Variants in SLC6A12 observed in about 807,000 individuals in gnomAD.
SLC6A12 encodes the protein solute carrier family 6 member 12.
A neutral mutation model predicts 73.3 loss-of-function variants in SLC6A12; 50 were observed. The ratio of observed to expected loss-of-function variants is 0.68; its 90% CI spans 0.54 to 0.86. The LOEUF is 0.86. SLC6A12 is among the 40% of genes least tolerant of loss of function. The pLI, the probability that SLC6A12 is intolerant of heterozygous loss-of-function variation, is 0.00. For missense variants in SLC6A12, 648 were observed against 772.8 expected (o/e 0.84, Z 1.92); for synonymous variants, 304 against 309.2 (o/e 0.98, Z 0.18).
At chr12:206,204 G>A (rs1018967692) in intron 3 of SLC6A12, among the ~76,000 whole-genome samples, 7 of 152,112 alleles carry the variant, frequency 4.6e-5, no homozygotes, top group East Asian at 3.8e-4. Flanking sequence ...ATCCCAGACC[G>A]AAACTCTGTA....
chr12:185,221 T>C (rs1939410322), downstream of SLC6A12, among the ~76,000 whole-genome samples: 1 of 152,196 alleles, frequency 6.6e-6, no homozygotes, highest in Non-Finnish European at 1.5e-5. Flanking sequence ...GCTGGCCGGG[T>C]AAGGCCGCTC....
Position 198,587 on chromosome 12 carries a change from T to A in SLC6A12, c.846+210A>T, listed in dbSNP as rs1012032241. On this transcript the variant is annotated intron_variant, in intron 8 of 15. Transcript: ENST00000684302. This position sits in a 1 kb window ranked among gnomAD's most constrained non-coding sequence, Gnocchi z 4.0. ...TGTCTCTAAGTAAGAGAAAAAAAAT[T>A]TTTTAAGAAAAAAAGTTATATTTGA... 3.2e-5 allele frequency: 16 copies of A among 506,130 alleles called. No homozygotes were observed. Among genetic ancestry groups the A allele is most frequent in the Non-Finnish European group, 4.7e-5 (14 of 295,848 alleles). 31.4% of individuals were successfully genotyped at this position (506,130 alleles called of 1,614,324 possible). A position where few individuals can be genotyped will look rare whatever the true frequency, so the allele number is the denominator to read the frequency against.
chr12:192,544 G>C lies in SLC6A12; in HGVS notation c.1635C>G (p.Ser545=). Residue 545 remains serine, a synonymous_variant, in exon 15 of 16, where the codon TCC becomes TCG. Transcript: ENST00000684302. The part of the protein sequence containing the change: ...GYSIGWFLAL[S]SMVCVPLFVV... The stretch of plus-strand genomic sequence containing the variant: ...CGAAGAGTGGGACACAGACCATGGA[G>C]GACAGAGCCAGGAACCAGCCAATGG... 6.2e-7 allele frequency: 1 copy of C among 1,614,138 alleles called. No homozygotes were observed. Among genetic ancestry groups the C allele is most frequent in the Non-Finnish European group, 8.5e-7 (1 of 1,180,030 alleles).
Position 204,660 on chromosome 12 carries a change from A to G in SLC6A12, c.253T>C (p.Cys85Arg). Reference protein sequence around the residue: ...FIPYFIFFFVCGIPVFFLEVA... With the variant: ...FIPYFIFFFVRGIPVFFLEVA... ...TCCAGGAAGAACACCGGGATGCCGC[A>G]GACAAAGAAGAAGATGAAGTAGGGG... Residue 85 changes from cysteine (C) to arginine (R), a missense_variant, in exon 4 of 16, where the codon TGC (cysteine) becomes CGC (arginine). Transcript: ENST00000684302. 1 of 1,614,198 alleles carries G rather than the reference A, an allele frequency of 6.2e-7. No individual in the cohort carries two copies. The highest frequency in any genetic ancestry group is 8.5e-7 in the Non-Finnish European group (1 of 1,180,014).
downstream of SLC6A12, among the ~76,000 whole-genome samples, chr12:188,883 C>T (rs1431976136): frequency 6.6e-6 from 1 of 152,186 alleles, no homozygotes; most frequent in Non-Finnish European, 1.5e-5. Context: ...CCATCCCCAC[C>T]CCCATCCAGA....
rs1286295525 is a variant in SLC6A12 at position 198,342 on chromosome 12, T to A, written c.847-339A>T. ...AGTCACTTGTCTCATTCAACTAAGA[T>A]CTCTGTACATAGTGTCTTAAGCAGC... On this transcript the variant is annotated intron_variant, in intron 8 of 15. Coordinates refer to ENST00000684302, the MANE Select transcript of SLC6A12 (RefSeq NM_001122848.3). This position sits in a 1 kb window ranked among gnomAD's most constrained non-coding sequence, Gnocchi z 4.0. Among the ~76,000 whole-genome samples the A allele has an allele frequency of 6.6e-6, 1 of 152,228 alleles. No individual in the cohort carries two copies. The highest frequency in any genetic ancestry group is 1.5e-5 in the Non-Finnish European group (1 of 68,038).
chr12:198,553 G>A lies in SLC6A12; in HGVS notation c.846+244C>T, dbSNP rs1940042331. 1 of 401,812 alleles carries A rather than the reference G, an allele frequency of 2.5e-6. No individual in the cohort carries two copies. Among genetic ancestry groups the A allele is most frequent in the Admixed American group, 4.1e-5 (1 of 24,678 alleles). The allele number at this position is 401,812 out of a possible 1,614,324, so 24.9% of individuals were successfully genotyped here. A position where few individuals can be genotyped will look rare whatever the true frequency, so the allele number is the denominator to read the frequency against. On this transcript the variant is annotated intron_variant, in intron 8 of 15. Coordinates refer to ENST00000684302, the MANE Select transcript of SLC6A12 (RefSeq NM_001122848.3). This position sits in a 1 kb window ranked among gnomAD's most constrained non-coding sequence, Gnocchi z 4.0. ...CACTCCAGCCTGGGGGACAGAGCCA[G>A]ACCCTGCCTGTCTCTAAGTAAGAGA...
chr12:196,994 G>GA, intron 10 of SLC6A12, 112 bp from the exon 11 acceptor site: 2 of 650,824 alleles, frequency 3.1e-6, no homozygotes, highest in East Asian at 2.8e-5. Flanking sequence ...ACTTTAAGAG[G>GA]AAAGGGTGAT....
At chr12:184,267 G>GA in the SLC6A12 span, among the ~76,000 whole-genome samples, 5 of 152,084 alleles carry the variant, frequency 3.3e-5, no homozygotes, top group African/African-American at 1.2e-4. Flanking sequence ...CTGTTGATTT[G>GA]AAAAAAACCT....
At chr12:209,177 C>T (rs1196527853) in intron 3 of SLC6A12, among the ~76,000 whole-genome samples, 1 of 152,090 alleles carries the variant, frequency 6.6e-6, no homozygotes, top group Non-Finnish European at 1.5e-5. Flanking sequence ...TGTTCTCCAT[C>T]CAGGATACAT....
At chr12:201,163 T>G (rs1451032703) in intron 6 of SLC6A12, 2 of 210,886 alleles carry the variant, frequency 9.5e-6, no homozygotes, top group Non-Finnish European at 1.9e-5. Flanking sequence ...GTGCTGGAAC[T>G]GCATGCATGG....
At chr12:207,009 C>T (rs1251429293) in intron 3 of SLC6A12, among the ~76,000 whole-genome samples, 6 of 152,382 alleles carry the variant, frequency 3.9e-5, no homozygotes, top group Admixed American at 1.3e-4. Context: ...CTGGGCCTCG[C>T]TCAGACCGGG....
intron 12 of SLC6A12, 150 bp from the exon 13 acceptor site, chr12:195,477 T>C: frequency 3.2e-6 from 2 of 623,622 alleles, no homozygotes; most frequent in Non-Finnish European, 5.8e-6. Flanking sequence ...TTGCCCTGTC[T>C]GCCCCTGCCT....
the SLC6A12 span, among the ~76,000 whole-genome samples, chr12:184,102 A>T: frequency 6.6e-6 from 1 of 152,296 alleles, no homozygotes; most frequent in East Asian, 1.9e-4. Flanking sequence ...ACAAAAAAAA[A>T]TATGCCATAA....
In SLC6A12 at chr12:195,240, T is replaced by A; in HGVS notation, c.1414A>T (p.Ile472Leu). The A allele has an allele frequency of 6.2e-7, 1 of 1,606,430 alleles. No homozygotes were observed. The highest frequency in any genetic ancestry group is 2.2e-5 in the East Asian group (1 of 44,848). Residue 472 changes from isoleucine to leucine, a missense_variant, in exon 13 of 16, where the codon ATA (isoleucine) becomes TTA (leucine). Coordinates refer to ENST00000684302, the MANE Select transcript of SLC6A12 (RefSeq NM_001122848.3). ...CCCCACTCACCATACACCCAGCTTA[T>A]GCAGACCACTTCAAACAATGACAGG... ...LFLSLFEVVC[I>L]SWVYGADRFY... is the part of the protein sequence containing the mutation.
intron 3 of SLC6A12, 114 bp downstream of exon 3, chr12:209,659 C>CA: frequency 8.6e-7 from 1 of 1,166,318 alleles, no homozygotes; most frequent in Non-Finnish European, 1.3e-6. Context: ...CCTCCAATTC[C>CA]AAAATAGCCC....
chr12:184,621 G>C, the SLC6A12 span, among the ~76,000 whole-genome samples: 7,943 of 152,194 alleles, frequency 0.052, 689 homozygotes, highest in African/African-American at 0.18. Flanking sequence ...GTGGTGGCGG[G>C]CGCCTGTAGT....
At position 200,793 on chromosome 12, in the gene SLC6A12, T is replaced by C. The variant is rs1940218556; in HGVS notation, c.579-10A>G. The C allele has an allele frequency of 2.2e-5, 35 of 1,611,534 alleles. No homozygotes were observed. Among genetic ancestry groups the C allele is most frequent in the Non-Finnish European group, 3.0e-5 (35 of 1,179,294 alleles). On this transcript the variant is annotated splice_polypyrimidine_tract_variant and intron_variant, in intron 6 of 15. Transcript: ENST00000684302. ...GCCCAGAACTCGTCTCCTGGAGGAT[T>C]GGGAAAAATAAGTAATGAGGGGAAA...
chr12:197,920 CTTG>C lies in SLC6A12; in HGVS notation c.927_929del (p.Asn309del). ...CTCACTTGTAGCAGTTGTTGTGATACTTGTTGTAGCTGCCCAGGGCTGTCAGGC... is the reference window on the plus strand; with the variant it reads ...CTCACTTGTAGCAGTTGTTGTGATACTTGTAGCTGCCCAGGGCTGTCAGGC... On this transcript the variant is annotated inframe_deletion, in exon 9 of 16. Coordinates refer to ENST00000684302, the MANE Select transcript of SLC6A12 (RefSeq NM_001122848.3). 2 of 1,379,818 alleles carry C rather than the reference CTTG, an allele frequency of 1.4e-6. No individual in the cohort carries two copies. Among genetic ancestry groups the C allele is most frequent in the South Asian group, 1.1e-5 (1 of 87,286 alleles). 85.5% of individuals were successfully genotyped at this position (1,379,818 alleles called of 1,614,324 possible). A position where few individuals can be genotyped will look rare whatever the true frequency, so the allele number is the denominator to read the frequency against.
Sources: gnomAD v4.1 joint callset for allele counts (sites outside exome capture counted in the v4.1 genomes callset) on GRCh38, gnomAD v4.1.1 for gene constraint, Gnocchi (gnomAD v3.1) non-coding constraint, MANE v1.5 for transcripts, NCBI Gene and HGNC (gene_info 2026-07-23, HGNC 2026-07-21) for gene names.